SULT2B1: variants seen among roughly 807,000 people sequenced by gnomAD.
SULT2B1 encodes the protein sulfotransferase family 2B member 1.
In SULT2B1, 16 loss-of-function variants were observed where a neutral mutation model predicts 33.2. The ratio of observed to expected loss-of-function variants is 0.48; its 90% CI spans 0.33 to 0.73. The LOEUF (loss-of-function observed/expected upper bound fraction) is 0.73, where lower values mean the gene tolerates loss of function less well. SULT2B1 is among the 30% of genes least tolerant of loss of function. The pLI is 0.02. For synonymous variants in SULT2B1, 186 were observed against 200.5 expected (o/e 0.93, Z 0.61); for missense variants, 500 against 506.0 (o/e 0.99, Z 0.11).
intron 1 of SULT2B1, among the ~76,000 whole-genome samples, chr19:48,564,844 G>A (rs1401736156): frequency 6.6e-6 from 1 of 152,020 alleles, no homozygotes; most frequent in Non-Finnish European, 1.5e-5. Flanking sequence ...AGGCTACAGT[G>A]CAATGGCTTG....
chr19:48,594,730 T>C (rs1183768743), intron 5 of SULT2B1, among the ~76,000 whole-genome samples: 2 of 152,074 alleles, frequency 1.3e-5, no homozygotes, highest in African/African-American at 4.8e-5. Context: ...TATCAGAAGG[T>C]AGTGATGGCC....
At chr19:48,586,926 C>T (rs1973567868) in intron 2 of SULT2B1, among the ~76,000 whole-genome samples, 1 of 152,084 alleles carries the variant, frequency 6.6e-6, no homozygotes, top group African/African-American at 2.4e-5. Context: ...GCCTGGCCAA[C>T]ATGGGGAGAC....
At chr19:48,562,186 A>G (rs2147599773) in intron 1 of SULT2B1, among the ~76,000 whole-genome samples, 1 of 152,266 alleles carries the variant, frequency 6.6e-6, no homozygotes, top group South Asian at 2.1e-4. Context: ...TAGGAGTTCA[A>G]GGCCAGCCTG....
At chr19:48,592,300 T>A (rs996840436) in intron 4 of SULT2B1, among the ~76,000 whole-genome samples, 3 of 149,350 alleles carry the variant, frequency 2.0e-5, no homozygotes, top group Non-Finnish European at 3.0e-5. Flanking sequence ...TCAAAAAAAA[T>A]AAAAAATAAA....
intron 2 of SULT2B1, among the ~76,000 whole-genome samples, chr19:48,577,191 C>T (rs951878968): frequency 6.6e-6 from 1 of 150,420 alleles, no homozygotes; most frequent in Non-Finnish European, 1.5e-5. Context: ...CGCCACCATG[C>T]GCGGCTACTT....
Position 48,587,173 on chromosome 19 carries a change from T to C in SULT2B1, c.215-56T>C, listed in dbSNP as rs917985810. 13 of 1,256,854 alleles carry C rather than the reference T, an allele frequency of 1.0e-5. No individual in the cohort carries two copies. The African/African-American group carries it at 1.5e-4, about 14-fold the overall frequency. The allele number at this position is 1,256,854 out of a possible 1,614,324, so 77.9% of individuals were successfully genotyped here. On this transcript the variant is annotated intron_variant, in intron 2 of 6. Transcript: ENST00000201586. Reference sequence around the variant, plus strand: ...AGTGCTGTTGTGATTATTCTGATGATATCTCCCTCTTCAGCCCTCCCACAC... The same window carrying C: ...AGTGCTGTTGTGATTATTCTGATGACATCTCCCTCTTCAGCCCTCCCACAC...
At chr19:48,554,287 CAG>C (rs1469807485) in intron 1 of SULT2B1, among the ~76,000 whole-genome samples, 1 of 150,722 alleles carries the variant, frequency 6.6e-6, no homozygotes, top group Non-Finnish European at 1.5e-5. Flanking sequence ...CAGACCCCCT[CAG>C]ATACGCCACG....
chr19:48,569,429 A>T (rs1203025919), intron 1 of SULT2B1, among the ~76,000 whole-genome samples: 3 of 90,884 alleles, frequency 3.3e-5, no homozygotes, highest in African/African-American at 1.4e-4. Flanking sequence ...TTTATCTAAA[A>T]TTGTAACTCA....
chr19:48,584,101 A>C (rs1973531620), intron 2 of SULT2B1, among the ~76,000 whole-genome samples: 1 of 152,130 alleles, frequency 6.6e-6, no homozygotes, highest in African/African-American at 2.4e-5. Context: ...ACACAGCAAG[A>C]CTCCGTCTCA....
intron 2 of SULT2B1, among the ~76,000 whole-genome samples, chr19:48,581,967 C>T (rs1456446378): frequency 6.6e-6 from 1 of 150,834 alleles, no homozygotes; most frequent in Non-Finnish European, 1.5e-5. Context: ...TGTAGTGGTG[C>T]CATCTTGGCT....
chr19:48,555,713 T>C (rs1176251070), intron 1 of SULT2B1, among the ~76,000 whole-genome samples: 1 of 152,102 alleles, frequency 6.6e-6, no homozygotes, highest in Non-Finnish European at 1.5e-5. Flanking sequence ...TAGCTGGGAT[T>C]ACAGGCATGC....
At chr19:48,565,125 C>A (rs1425618722) in intron 1 of SULT2B1, among the ~76,000 whole-genome samples, 2 of 151,538 alleles carry the variant, frequency 1.3e-5, no homozygotes, top group Admixed American at 6.6e-5. Flanking sequence ...AGGGTTTCGC[C>A]ATGTTAGACG....
chr19:48,559,311 T>A lies in SULT2B1; in HGVS notation c.71+6988T>A, dbSNP rs74641794. Among the ~76,000 whole-genome samples the A allele has an allele frequency of 4.9e-3, 746 of 152,102 alleles. 17 individuals carry two copies. The highest frequency in any genetic ancestry group is 0.035 in the East Asian group (178 of 5,156). Reference sequence around the variant, plus strand: ...GGACTGGCAGAGGAAAGGTTGGAAGTGGTGATGTTCAGAGTTCAGGACCCA... The same window carrying A: ...GGACTGGCAGAGGAAAGGTTGGAAGAGGTGATGTTCAGAGTTCAGGACCCA... On this transcript the variant is annotated intron_variant, in intron 1 of 6. Coordinates refer to ENST00000201586, the MANE Select transcript of SULT2B1 (RefSeq NM_177973.2).
At chr19:48,566,811 C>T (rs148027613) in intron 1 of SULT2B1, among the ~76,000 whole-genome samples, 254 of 151,112 alleles carry the variant, frequency 1.7e-3, no homozygotes, top group African/African-American at 5.7e-3. Context: ...CACTGCACTC[C>T]GGCTTTGGTG....
chr19:48,589,755 G>A (rs954747960), intron 3 of SULT2B1, among the ~76,000 whole-genome samples: 3 of 152,214 alleles, frequency 2.0e-5, no homozygotes, highest in Admixed American at 6.5e-5. Context: ...GAGCCCAGGA[G>A]TTCAAGACCA....
intron 5 of SULT2B1, 189 bp from the exon 6 acceptor site, chr19:48,596,550 A>C: frequency 3.3e-6 from 2 of 608,354 alleles, no homozygotes; most frequent in Non-Finnish European, 5.6e-6. Flanking sequence ...CCCTCCAAAG[A>C]CAGAAACTGC....
In SULT2B1 at chr19:48,599,221, C is replaced by A; in HGVS notation, c.913C>A (p.Pro305Thr). The A allele has an allele frequency of 6.2e-7, 1 of 1,607,042 alleles. No individual in the cohort carries two copies. The highest frequency in any genetic ancestry group is 1.7e-5 in the Admixed American group (1 of 59,356). ...CTACCGCAAGCAGATGCGGGGGATG[C>A]CGACCTTCCCCTGGGATGAAGACCC... ...RAYRKQMRGM[P>T]TFPWDEDPEE... The change falls in exon 7 of 7, where the codon CCG becomes ACG. Residue 305 changes from proline (P) to threonine (T), a missense_variant. Coordinates refer to ENST00000201586, the MANE Select transcript of SULT2B1 (RefSeq NM_177973.2). The surrounding 1 kb of genome is among the most constrained non-coding windows in gnomAD (Gnocchi z 4.1).
chr19:48,554,015 G>A (rs1349725593), intron 1 of SULT2B1, among the ~76,000 whole-genome samples: 1 of 151,860 alleles, frequency 6.6e-6, no homozygotes, highest in African/African-American at 2.4e-5. Context: ...GTCATAAAAC[G>A]CCCTGAGTGA....
chr19:48,578,490 G>A (rs79647759), intron 2 of SULT2B1, among the ~76,000 whole-genome samples: 1,653 of 152,108 alleles, frequency 0.011, 34 homozygotes, highest in African/African-American at 0.038. Context: ...GCTGAGATGC[G>A]AGGATTGCTT....
Sources: gnomAD v4.1 joint callset for allele counts (sites outside exome capture counted in the v4.1 genomes callset) on GRCh38, gnomAD v4.1.1 for gene constraint, Gnocchi (gnomAD v3.1) non-coding constraint, MANE v1.5 for transcripts, NCBI Gene and HGNC (gene_info 2026-07-23, HGNC 2026-07-21) for gene names.